ANKRD11: variants seen among roughly 807,000 people sequenced by gnomAD.
ANKRD11 encodes the protein ankyrin repeat domain-containing protein 11.
Under a neutral mutation model 195.7 loss-of-function variants are expected in ANKRD11, and 17 were observed. That is an observed-to-expected ratio of 0.09 (90% CI 0.06 to 0.13). ANKRD11 has a LOEUF of 0.13. Ranked by LOEUF, ANKRD11 falls within the 10% of genes least tolerant of loss-of-function variation. The pLI is 1.00. For missense variants in ANKRD11, 3,735 were observed against 3,566.1 expected (o/e 1.05, Z -1.21); for synonymous variants, 1,953 against 1,528.1 (o/e 1.28, Z -6.49).
intron 12 of ANKRD11, among the ~76,000 whole-genome samples, chr16:89,268,894 G>T (rs941258153): frequency 6.6e-6 from 1 of 152,190 alleles, no homozygotes; most frequent in African/African-American, 2.4e-5. Context: ...CCTCTACCCT[G>T]GCCTGGGGCT....
At chr16:89,437,489 T>C (rs1488845705) in intron 1 of ANKRD11, among the ~76,000 whole-genome samples, 1 of 151,982 alleles carries the variant, frequency 6.6e-6, no homozygotes, top group Non-Finnish European at 1.5e-5. Flanking sequence ...CCTCCCACTC[T>C]CTCACTGAGC....
At chr16:89,278,234 C>T (rs902416306) in intron 9 of ANKRD11, 2 of 343,532 alleles carry the variant, frequency 5.8e-6, no homozygotes, top group Non-Finnish European at 1.1e-5. Flanking sequence ...CAGCTCAGGC[C>T]GTCACCGAGG....
At chr16:89,391,108 G>C (rs191208169) in intron 2 of ANKRD11, among the ~76,000 whole-genome samples, 73 of 151,760 alleles carry the variant, frequency 4.8e-4, no homozygotes, top group African/African-American at 1.7e-3. Flanking sequence ...GGCGCCTGTA[G>C]TCCCAGCTAC....
At chr16:89,409,452 C>T (rs996730619) in intron 2 of ANKRD11, among the ~76,000 whole-genome samples, 2 of 152,188 alleles carry the variant, frequency 1.3e-5, no homozygotes, top group East Asian at 3.8e-4. Flanking sequence ...TTGTGCACGT[C>T]ACGGCCCTGC....
intron 2 of ANKRD11, among the ~76,000 whole-genome samples, chr16:89,319,266 A>G (rs930662926): frequency 6.6e-6 from 1 of 152,156 alleles, no homozygotes; most frequent in African/African-American, 2.4e-5. Flanking sequence ...TGCGGGGCTT[A>G]TCACTTCACT....
At chr16:89,336,501 G>C (rs1449654833) in intron 2 of ANKRD11, among the ~76,000 whole-genome samples, 1 of 152,232 alleles carries the variant, frequency 6.6e-6, no homozygotes. Flanking sequence ...CCTGTAGCAG[G>C]ACATTGCCCA....
At chr16:89,296,004 T>A (rs1294052304) in intron 4 of ANKRD11, among the ~76,000 whole-genome samples, 42 of 136,108 alleles carry the variant, frequency 3.1e-4, no homozygotes, top group African/African-American at 1.2e-3. Flanking sequence ...TTTTTTTTTT[T>A]TTGAGACAAG....
chr16:89,446,026 C>T (rs1481443598), intron 1 of ANKRD11, among the ~76,000 whole-genome samples: 1 of 149,738 alleles, frequency 6.7e-6, no homozygotes, highest in Non-Finnish European at 1.5e-5. Context: ...AAAAACCAGC[C>T]TAGTATATGT....
chr16:89,282,520 G>C lies in ANKRD11; in HGVS notation c.4022C>G (p.Pro1341Arg), dbSNP rs1456520981. The C allele has an allele frequency of 1.2e-6, 2 of 1,614,010 alleles. No individual in the cohort carries two copies. Among genetic ancestry groups the C allele is most frequent in the East Asian group, 4.5e-5 (2 of 44,860 alleles). Residue 1341 changes from proline (P) to arginine (R), a missense_variant, in exon 9 of 13, where the codon CCT becomes CGT. Transcript: ENST00000301030. ...DDKPRESACL[P>R]EKLKEKERHR... ...CCTCTCCTTCTCTTTCAGCTTCTCA[G>C]GGAGGCAGGCGCTCTCCCTCGGCTT...
intron 6 of ANKRD11, among the ~76,000 whole-genome samples, chr16:89,289,195 C>A (rs956283776): frequency 6.6e-6 from 1 of 152,040 alleles, no homozygotes; most frequent in Non-Finnish European, 1.5e-5. Context: ...CACCATCGGA[C>A]GGTGTGGCCG....
Position 89,280,591 on chromosome 16 carries a change from G to A in ANKRD11, c.5951C>T (p.Pro1984Leu). The change falls in exon 9 of 13, where the codon CCA becomes CTA. Residue 1984 changes from proline to leucine, a missense_variant. By Grantham distance (98) the Pro-to-Leu change is moderately conservative (BLOSUM62 -3). Coordinates refer to ENST00000301030, the MANE Select transcript of ANKRD11 (RefSeq NM_013275.6). Reference sequence around the variant, plus strand: ...CTTTGGGGACTCGGGGAATCTCTGTGGAGACTTCAGCAGGAGGTCCGAGCC... The same window carrying A: ...CTTTGGGGACTCGGGGAATCTCTGTAGAGACTTCAGCAGGAGGTCCGAGCC... ...PVGSDLLLKSPQRFPESPKRF... is the reference protein window; with the variant it reads ...PVGSDLLLKSLQRFPESPKRF... The A allele has an allele frequency of 6.2e-7, 1 of 1,613,530 alleles. No homozygotes were observed. The highest frequency in any genetic ancestry group is 8.5e-7 in the Non-Finnish European group (1 of 1,179,942).
At chr16:89,436,453 A>T (rs2043220117) in intron 1 of ANKRD11, among the ~76,000 whole-genome samples, 1 of 152,052 alleles carries the variant, frequency 6.6e-6, no homozygotes, top group Non-Finnish European at 1.5e-5. Context: ...CTGACAGATG[A>T]CATTCATCAA....
intron 1 of ANKRD11, among the ~76,000 whole-genome samples, chr16:89,477,964 A>T (rs1158353057): frequency 6.6e-6 from 1 of 152,194 alleles, no homozygotes; most frequent in Non-Finnish European, 1.5e-5. Context: ...CTCAAAAATA[A>T]TAACAAAAAA....
chr16:89,339,029 C>G (rs986405509), intron 2 of ANKRD11, among the ~76,000 whole-genome samples: 1 of 152,154 alleles, frequency 6.6e-6, no homozygotes, highest in Non-Finnish European at 1.5e-5. Flanking sequence ...AATGATGAGT[C>G]CATCTGCTCG....
intron 2 of ANKRD11, among the ~76,000 whole-genome samples, chr16:89,412,729 A>C (rs2152212841): frequency 6.6e-6 from 1 of 152,302 alleles, no homozygotes; most frequent in Non-Finnish European, 1.5e-5. Flanking sequence ...CCCTTAAGCC[A>C]GCTGTAAAAA....
At chr16:89,318,232 T>G (rs1037741736) in intron 2 of ANKRD11, among the ~76,000 whole-genome samples, 1 of 152,178 alleles carries the variant, frequency 6.6e-6, no homozygotes, top group African/African-American at 2.4e-5. Context: ...GCATGGACAC[T>G]CTCGGAGCAT....
Position 89,457,484 on chromosome 16 carries a change from G to A in ANKRD11, c.-145+32761C>T, listed in dbSNP as rs557748637. 2.0e-5 allele frequency among the ~76,000 whole-genome samples: 3 copies of A among 150,866 alleles called. No homozygotes were observed. In the South Asian group the frequency reaches 6.3e-4, roughly 32 times the overall value. On this transcript the variant is annotated intron_variant, in intron 1 of 12. Coordinates refer to ENST00000301030, the MANE Select transcript of ANKRD11 (RefSeq NM_013275.6). ...GTGGTGGTGGGCACCCGTAATCCCA[G>A]CTACTCGGGAGGCTAGGGCAGAAGA...
At chr16:89,295,654 G>C (rs2035366315) in intron 4 of ANKRD11, among the ~76,000 whole-genome samples, 1 of 152,146 alleles carries the variant, frequency 6.6e-6, no homozygotes, top group South Asian at 2.1e-4. Flanking sequence ...TCCAGCCATG[G>C]CCTTTCTGAG....
intron 2 of ANKRD11, chr16:89,395,748 G>C (rs929770898): frequency 6.6e-6 from 1 of 152,144 alleles, no homozygotes; most frequent in African/African-American, 2.4e-5. Context: ...GAATAGCTTG[G>C]TACACTTGCT....
Sources: gnomAD v4.1 joint callset for allele counts (sites outside exome capture counted in the v4.1 genomes callset) on GRCh38, gnomAD v4.1.1 for gene constraint, MANE v1.5 for transcripts, NCBI Gene and HGNC (gene_info 2026-07-23, HGNC 2026-07-21) for gene names.